Variants in GDA observed in about 807,000 individuals in gnomAD.
The protein encoded by GDA is cytoplasmic PSD-95 interactor.
In GDA, 18 loss-of-function variants were observed where a neutral mutation model predicts 59.6. The observed-to-expected ratio is 0.30, with a 90% confidence interval of 0.21 to 0.45. GDA has a LOEUF of 0.45. Among genes scored for constraint, GDA ranks in the 20% least tolerant of loss-of-function variants. The pLI, the probability that GDA is intolerant of heterozygous loss-of-function variation, is 1.00. For missense variants in GDA, 427 were observed against 552.3 expected (o/e 0.77, Z 2.27); for synonymous variants, 201 against 201.1 (o/e 1.00, Z 0.00).
chr9:72,126,185 G>A (rs191472577), intron 1 of GDA, among the ~76,000 whole-genome samples: 1 of 152,116 alleles, frequency 6.6e-6, no homozygotes, highest in Non-Finnish European at 1.5e-5. Flanking sequence ...ACGGACGTGA[G>A]CCACTGCACC....
At chr9:72,194,246 G>A (rs551124388) in intron 1 of GDA, 3 of 152,362 alleles carry the variant, frequency 2.0e-5, no homozygotes, top group Non-Finnish European at 4.4e-5. Context: ...AATGTGCTGA[G>A]TTTCACCCAA....
In GDA at chr9:72,250,785, A is replaced by G. The variant is rs1383207907; in HGVS notation, c.*2443A>G. On this transcript the variant is annotated 3_prime_UTR_variant, in exon 14 of 14. Coordinates refer to ENST00000358399, the MANE Select transcript of GDA (RefSeq NM_004293.5). ...ATTCACTTACCAGCCTCCTCACCCC[A>G]TCCTCCACCATTTCCTTAATGTTCC... 3.1e-6 allele frequency: 5 copies of G among 1,609,168 alleles called. No individual in the cohort carries two copies. The highest frequency in any genetic ancestry group is 2.2e-5 in the South Asian group (2 of 90,982).
At chr9:72,171,770 C>A (rs1262973179) in intron 1 of GDA, among the ~76,000 whole-genome samples, 1 of 152,034 alleles carries the variant, frequency 6.6e-6, no homozygotes, top group African/African-American at 2.4e-5. Context: ...AACTTAAAGG[C>A]CCCTCAGGGT....
intron 10 of GDA, among the ~76,000 whole-genome samples, chr9:72,237,990 A>G (rs570374835): frequency 6.6e-6 from 1 of 152,066 alleles, no homozygotes; most frequent in Non-Finnish European, 1.5e-5. Context: ...TGTGATTTAC[A>G]AAAGAATCAC....
downstream of GDA, among the ~76,000 whole-genome samples, chr9:72,255,622 G>T (rs562587343): frequency 2.0e-5 from 3 of 152,300 alleles, no homozygotes; most frequent in South Asian, 6.2e-4. Context: ...TATGAAAGAT[G>T]AATTGGCAAC....
At chr9:72,151,732 C>T (rs751619963) in intron 1 of GDA, among the ~76,000 whole-genome samples, 30 of 151,766 alleles carry the variant, frequency 2.0e-4, no homozygotes, top group African/African-American at 5.8e-4. Flanking sequence ...CTCAGCCTCC[C>T]GAGTAGCTGG....
At chr9:72,253,840 A>T (rs7849319), downstream of GDA, among the ~76,000 whole-genome samples, 16,367 of 152,014 alleles carry the variant, frequency 0.11, 970 homozygotes, top group South Asian at 0.12. Flanking sequence ...GATTTAAATT[A>T]AAAAAAAGAT....
intron 1 of GDA, among the ~76,000 whole-genome samples, chr9:72,181,960 A>G (rs1280867665): frequency 2.0e-5 from 3 of 152,184 alleles, no homozygotes; most frequent in Non-Finnish European, 2.9e-5. Flanking sequence ...CTCAGTGCTA[A>G]TATTTTACAA....
chr9:72,141,552 C>G (rs1001755134), intron 1 of GDA, among the ~76,000 whole-genome samples: 3 of 151,926 alleles, frequency 2.0e-5, no homozygotes. Context: ...TAAAGAGGCA[C>G]TAATTGTGTA....
chr9:72,126,802 G>C (rs556325134), intron 1 of GDA, among the ~76,000 whole-genome samples: 4 of 152,028 alleles, frequency 2.6e-5, no homozygotes, highest in Admixed American at 2.6e-4. Context: ...CCTGACCTCA[G>C]GTGATCCACC....
chr9:72,170,696 A>G (rs1392626310), intron 1 of GDA, among the ~76,000 whole-genome samples: 3 of 152,220 alleles, frequency 2.0e-5, no homozygotes, highest in Admixed American at 6.5e-5. Flanking sequence ...AAGAGCTACA[A>G]GTTAGCAAAC....
At chr9:72,248,212 A>C in intron 13 of GDA, 60 bp from the exon 14 acceptor site, 1 of 1,157,242 alleles carries the variant, frequency 8.6e-7, no homozygotes, top group Non-Finnish European at 1.3e-6. Context: ...TCCCAATGGC[A>C]AGGAAGATAC....
chr9:72,200,382 C>T (rs1240651736), intron 2 of GDA, among the ~76,000 whole-genome samples: 2 of 151,848 alleles, frequency 1.3e-5, no homozygotes, highest in African/African-American at 2.4e-5. Flanking sequence ...TCTTCCTCCT[C>T]CTCCTCTTTT....
chr9:72,125,090 CTAGA>C (rs1297802298), intron 1 of GDA, among the ~76,000 whole-genome samples: 1 of 152,188 alleles, frequency 6.6e-6, no homozygotes, highest in Non-Finnish European at 1.5e-5. Context: ...TGGCATTGAT[CTAGA>C]TAAAGACTAC....
intron 1 of GDA, among the ~76,000 whole-genome samples, chr9:72,143,028 C>T (rs1042962358): frequency 2.0e-5 from 3 of 151,746 alleles, no homozygotes; most frequent in African/African-American, 7.3e-5. Flanking sequence ...CTCGGCCTCC[C>T]AAAGTGCTGG....
chr9:72,153,093 A>T (rs1827427823), intron 1 of GDA, among the ~76,000 whole-genome samples: 1 of 152,164 alleles, frequency 6.6e-6, no homozygotes. Context: ...CAAAGATCAG[A>T]TAGTTGTAGA....
chr9:72,202,690 A>G lies in GDA; in HGVS notation c.332A>G (p.Glu111Gly). ...CTGACCAAGTACACATTTCCTGCAG[A>G]ACACAGATTCCAGAACATCGACTTT... ...EWLTKYTFPA[E>G]HRFQNIDFAE... The change falls in exon 3 of 14, where the codon GAA (glutamate) becomes GGA (glycine). Residue 111 changes from glutamate to glycine, a missense_variant. Coordinates refer to ENST00000358399, the MANE Select transcript of GDA (RefSeq NM_004293.5). 1 of 1,613,920 alleles carries G rather than the reference A, an allele frequency of 6.2e-7. No homozygotes were observed.
intron 7 of GDA, 75 bp from the exon 8 acceptor site, chr9:72,225,602 C>T (rs1837452410): frequency 4.2e-6 from 3 of 713,866 alleles, no homozygotes; most frequent in African/African-American, 3.5e-5. Context: ...CCATTCACAC[C>T]ATTTTGAGGT....
At chr9:72,217,687 G>A (rs973961676) in intron 5 of GDA, among the ~76,000 whole-genome samples, 1 of 152,126 alleles carries the variant, frequency 6.6e-6, no homozygotes, top group African/African-American at 2.4e-5. Context: ...TTCTCCTGTA[G>A]ATTGGATTTG....
Sources: allele counts gnomAD v4.1 joint callset (sites outside exome capture counted in the v4.1 genomes callset), GRCh38; gene constraint gnomAD v4.1.1; transcripts MANE v1.5; gene names NCBI Gene and HGNC (gene_info 2026-07-23, HGNC 2026-07-21).